The following ARFGEF2 variants were observed in gnomAD, a reference collection of about 807,000 sequenced individuals.
ARFGEF2 encodes brefeldin A-inhibited guanine nucleotide-exchange protein 2.
In ARFGEF2, 74 loss-of-function variants were observed where a neutral mutation model predicts 219.9. The ratio of observed to expected loss-of-function variants is 0.34; its 90% CI spans 0.28 to 0.41. The LOEUF is 0.41. Ranked by LOEUF, ARFGEF2 falls within the 10% of genes least tolerant of loss-of-function variation. The pLI, the probability that ARFGEF2 is intolerant of heterozygous loss-of-function variation, is 1.00. For synonymous variants in ARFGEF2, 733 were observed against 799.2 expected (o/e 0.92, Z 1.40); for missense variants, 1,743 against 2,218.3 (o/e 0.79, Z 4.30).
At chr20:49,020,115 T>G (rs946664619) in intron 34 of ARFGEF2, among the ~76,000 whole-genome samples, 14 of 151,986 alleles carry the variant, frequency 9.2e-5, no homozygotes, top group African/African-American at 3.4e-4. Context: ...TGTAGTAGAG[T>G]GGGGATTCAG....
chr20:48,961,110 A>AATAATAATAATAATT (rs1486477179), intron 6 of ARFGEF2, among the ~76,000 whole-genome samples: 1 of 148,836 alleles, frequency 6.7e-6, no homozygotes, highest in East Asian at 2.0e-4. Flanking sequence ...TAATAATAAT[A>AATAATAATAATAATT]ATTTTCTTTA....
At chr20:48,956,530 T>A (rs977701922) in intron 6 of ARFGEF2, among the ~76,000 whole-genome samples, 1 of 152,240 alleles carries the variant, frequency 6.6e-6, no homozygotes, top group Non-Finnish European at 1.5e-5. Flanking sequence ...TTACAGATAC[T>A]GTGTAGAATT....
rs367887877 is a variant in ARFGEF2 at position 48,958,720 on chromosome 20, G to A, written c.838+4930G>A. 1.1e-4 allele frequency among the ~76,000 whole-genome samples: 17 copies of A among 152,270 alleles called. 1 individual carries two copies. The highest frequency in any genetic ancestry group is 8.3e-4 in the South Asian group (4 of 4,828). On this transcript the variant is annotated intron_variant, in intron 6 of 38. Transcript: ENST00000371917. ...GCTTCCCAAAGTGCTGGGATTACAG[G>A]TGTGAGCCACCGTGCCCAGCCTTCT...
chr20:48,951,288 C>A, intron 3 of ARFGEF2, 35 bp from the exon 4 acceptor site: 2 of 1,612,710 alleles, frequency 1.2e-6, no homozygotes, highest in Non-Finnish European at 1.7e-6. Context: ...CCTAGCCAAG[C>A]AGAAATGTAT....
chr20:49,002,757 C>T (rs1288428109), intron 25 of ARFGEF2, among the ~76,000 whole-genome samples: 1 of 350 alleles, frequency 2.9e-3, no homozygotes, highest in African/African-American at 0.012. Flanking sequence ...AATTCTCCTG[C>T]CTCAGCCCTC....
intron 3 of ARFGEF2, among the ~76,000 whole-genome samples, chr20:48,950,803 A>ATATATAT: frequency 7.6e-5 from 3 of 39,662 alleles, no homozygotes; most frequent in Non-Finnish European, 1.5e-4. Flanking sequence ...CTAAAAAAAA[A>ATATATAT]AAAAAAAAAT....
intron 14 of ARFGEF2, among the ~76,000 whole-genome samples, chr20:48,984,107 C>CA (rs1404106515): frequency 5.9e-5 from 9 of 151,910 alleles, no homozygotes; most frequent in Non-Finnish European, 5.9e-5. Context: ...CTATGTATTT[C>CA]TCTCTCAAGG....
At chr20:48,930,788 G>C (rs1047099496) in intron 1 of ARFGEF2, among the ~76,000 whole-genome samples, 1 of 152,168 alleles carries the variant, frequency 6.6e-6, no homozygotes, top group Non-Finnish European at 1.5e-5. Context: ...CAGAGTCTAG[G>C]TGGGAATGGG....
At chr20:49,003,010 C>G (rs186392844) in intron 25 of ARFGEF2, among the ~76,000 whole-genome samples, 81 of 144,528 alleles carry the variant, frequency 5.6e-4, no homozygotes, top group African/African-American at 1.9e-3. Context: ...CTCTGTCACC[C>G]AGGCTGGAGT....
intron 6 of ARFGEF2, among the ~76,000 whole-genome samples, chr20:48,962,693 T>C (rs888549210): frequency 6.6e-6 from 1 of 152,158 alleles, no homozygotes; most frequent in Admixed American, 6.6e-5. Context: ...CATCAGTATT[T>C]CCCACACGAA....
Position 49,022,175 on chromosome 20 carries a change from A to AAG in ARFGEF2, c.4625-875_4625-874insGA, listed in dbSNP as rs386393902. Among the ~76,000 whole-genome samples the AAG allele has an allele frequency of 5.9e-5, 9 of 151,712 alleles. No homozygotes were observed. In the East Asian group the frequency reaches 1.5e-3, roughly 26 times the overall value. ...GTCTCAAAAAAAAAAAAAAAAAAAA[A>AAG]ATGTTAACTAGTCAAAGGTTGTTAA... On this transcript the variant is annotated intron_variant, in intron 34 of 38. Transcript: ENST00000371917.
intron 25 of ARFGEF2, among the ~76,000 whole-genome samples, chr20:49,001,092 C>T (rs1028130269): frequency 2.5e-5 from 3 of 121,992 alleles, no homozygotes; most frequent in Admixed American, 1.0e-4. Flanking sequence ...GACAGAGTTT[C>T]GCACTGTTGC....
intron 25 of ARFGEF2, among the ~76,000 whole-genome samples, chr20:49,003,108 C>T (rs963490357): frequency 6.6e-6 from 1 of 151,292 alleles, no homozygotes; most frequent in Admixed American, 6.6e-5. Context: ...GCTGGGACTA[C>T]AGGCATATGC....
intron 1 of ARFGEF2, 139 bp from the exon 2 acceptor site, chr20:48,941,060 T>C: frequency 1.3e-6 from 1 of 764,072 alleles, no homozygotes. Context: ...CAATTATTTC[T>C]TTCACTTCAT....
intron 5 of ARFGEF2, among the ~76,000 whole-genome samples, chr20:48,953,249 C>T (rs1307949595): frequency 2.7e-5 from 4 of 149,224 alleles, no homozygotes; most frequent in Non-Finnish European, 4.4e-5. Context: ...GATCATGGCT[C>T]ACTGCAGGCT....
At position 48,991,223 on chromosome 20, in the gene ARFGEF2, T is replaced by C. The variant is rs202077119; in HGVS notation, c.2973+25T>C. The C allele has an allele frequency of 7.9e-5, 127 of 1,614,084 alleles. 1 individual carries two copies. The Admixed American group carries it at 1.1e-3, about 15-fold the overall frequency. On this transcript the variant is annotated intron_variant, in intron 21 of 38. Coordinates refer to ENST00000371917, the MANE Select transcript of ARFGEF2 (RefSeq NM_006420.3). The stretch of plus-strand genomic sequence containing the variant: ...GGTACGTGTCTCTTTGAATTGCCTT[T>C]TCTCAGTTAGGATGACTCCTGGCTT...
intron 1 of ARFGEF2, among the ~76,000 whole-genome samples, chr20:48,934,689 C>G (rs1600587221): frequency 6.6e-6 from 1 of 152,146 alleles, no homozygotes; most frequent in African/African-American, 2.4e-5. Flanking sequence ...TGAACTCATT[C>G]TTTTTTATGG....
chr20:48,990,715 T>A (rs140354979), intron 20 of ARFGEF2, among the ~76,000 whole-genome samples: 9 of 152,348 alleles, frequency 5.9e-5, no homozygotes, highest in African/African-American at 2.2e-4. Flanking sequence ...CAGACCTGCC[T>A]GGCAGAATTG....
intron 35 of ARFGEF2, among the ~76,000 whole-genome samples, chr20:49,023,523 G>T (rs1408040319): frequency 9.6e-4 from 93 of 97,000 alleles, no homozygotes; most frequent in East Asian, 3.5e-3. Flanking sequence ...TTTTTTTCTG[G>T]TTTTTTTTTT....
Sources: allele counts gnomAD v4.1 joint callset (sites outside exome capture counted in the v4.1 genomes callset), GRCh38; gene constraint gnomAD v4.1.1; transcripts MANE v1.5; gene names NCBI Gene and HGNC (gene_info 2026-07-23, HGNC 2026-07-21).